Variants in MUCL1 observed in about 807,000 individuals in gnomAD.
MUCL1 encodes the protein mucin-like protein 1.
MUCL1 carries 11 observed loss-of-function variants against 9.2 expected under a neutral mutation model. The ratio of observed to expected loss-of-function variants is 1.19; its 90% CI spans 0.75 to 1.97. The LOEUF is 1.97. Ranked by LOEUF, MUCL1 falls within the 30% of genes most tolerant of loss-of-function variation. The pLI is 0.00. For synonymous variants in MUCL1, 48 were observed against 40.5 expected (o/e 1.19, Z -0.71); for missense variants, 144 against 110.9 (o/e 1.30, Z -1.34).
At chr12:54,833,926 C>A (rs547022148) in intron 1 of MUCL1, among the ~76,000 whole-genome samples, 8 of 151,970 alleles carry the variant, frequency 5.3e-5, no homozygotes, top group African/African-American at 1.9e-4. Flanking sequence ...ACATATGTAA[C>A]AAACCCGCAC....
rs192051244 is a variant in MUCL1, at chr12:54,848,774, T to G, written c.44-6342T>G. 1.9e-3 allele frequency among the ~76,000 whole-genome samples: 290 copies of G among 152,298 alleles called. 1 individual carries two copies. The highest frequency in any genetic ancestry group is 6.4e-3 in the African/African-American group (266 of 41,588). On this transcript the variant is annotated intron_variant, in intron 1 of 3. Transcript: ENST00000546809. ...TTCAACTGAGATAACCTTTACTACT[T>G]GCAGAAATGGTCATAAAAATATGCT...
chr12:54,837,864 G>T (rs537172579), upstream of MUCL1, among the ~76,000 whole-genome samples: 7 of 152,304 alleles, frequency 4.6e-5, no homozygotes, highest in East Asian at 9.6e-4. Flanking sequence ...TTTTTAATAC[G>T]TTCTGCCAAT....
upstream of MUCL1, chr12:54,854,425 T>C: frequency 1.7e-6 from 1 of 585,410 alleles, no homozygotes; most frequent in Non-Finnish European, 3.0e-6. Context: ...TGTCCCAACG[T>C]TTCCTGGCAT....
intron 1 of MUCL1, among the ~76,000 whole-genome samples, chr12:54,840,829 G>A (rs536967013): frequency 3.9e-4 from 59 of 152,204 alleles, no homozygotes; most frequent in African/African-American, 1.3e-3. Flanking sequence ...ACCCCACCCA[G>A]CTCCCACGCA....
At chr12:54,856,220 C>T (rs183359842) in intron 2 of MUCL1, among the ~76,000 whole-genome samples, 227 of 152,246 alleles carry the variant, frequency 1.5e-3, no homozygotes, top group Non-Finnish European at 2.5e-3. Flanking sequence ...GAGGGTGAGA[C>T]AAATATGGCT....
chr12:54,854,839 A>T (rs1868287394), intron 1 of MUCL1, among the ~76,000 whole-genome samples, 199 bp downstream of exon 1: 1 of 152,188 alleles, frequency 6.6e-6, no homozygotes, highest in African/African-American at 2.4e-5. Flanking sequence ...TTACTTCAAT[A>T]ATACCTTGGA....
chr12:54,841,943 C>T (rs1266557789), intron 1 of MUCL1, among the ~76,000 whole-genome samples: 3 of 152,032 alleles, frequency 2.0e-5, no homozygotes, highest in Non-Finnish European at 4.4e-5. Context: ...AGTTACAGGC[C>T]TTAATAATTC....
chr12:54,831,420 T>C (rs1490682480), intron 1 of MUCL1, among the ~76,000 whole-genome samples: 1 of 152,160 alleles, frequency 6.6e-6, no homozygotes, highest in Non-Finnish European at 1.5e-5. Flanking sequence ...ACAGCTGTGT[T>C]CTGGGTAATC....
chr12:54,839,781 T>C (rs1329746249), intron 1 of MUCL1, among the ~76,000 whole-genome samples: 1 of 152,156 alleles, frequency 6.6e-6, no homozygotes, highest in Non-Finnish European at 1.5e-5. Flanking sequence ...AGAAAGGCTG[T>C]GTACAGGTGC....
chr12:54,849,366 T>A (rs1959303627), intron 1 of MUCL1, among the ~76,000 whole-genome samples: 1 of 152,118 alleles, frequency 6.6e-6, no homozygotes, highest in African/African-American at 2.4e-5. Flanking sequence ...CACAAATATA[T>A]AATTACCAAG....
upstream of MUCL1, among the ~76,000 whole-genome samples, chr12:54,853,799 C>A (rs1223459055): frequency 6.6e-6 from 1 of 152,030 alleles, no homozygotes; most frequent in East Asian, 1.9e-4. Flanking sequence ...TGTTATTTTT[C>A]TAACATCTAG....
At chr12:54,848,853 G>A (rs780034187) in intron 1 of MUCL1, among the ~76,000 whole-genome samples, 24 of 152,056 alleles carry the variant, frequency 1.6e-4, no homozygotes, top group African/African-American at 4.8e-4. Flanking sequence ...AAAGCTGTTG[G>A]TAATACATAT....
chr12:54,848,026 CTTTT>C (rs35409980), intron 1 of MUCL1, among the ~76,000 whole-genome samples: 6 of 135,626 alleles, frequency 4.4e-5, no homozygotes, highest in Admixed American at 1.5e-4. Context: ...CATCTCAATT[CTTTT>C]TTTTTTTTTT....
At chr12:54,848,115 G>A (rs928540999) in intron 1 of MUCL1, among the ~76,000 whole-genome samples, 7 of 146,762 alleles carry the variant, frequency 4.8e-5, no homozygotes, top group African/African-American at 1.8e-4. Context: ...ACTCAGCTGT[G>A]TGCCCTTGAT....
chr12:54,851,929 C>T (rs1315036996), upstream of MUCL1, among the ~76,000 whole-genome samples: 2 of 152,104 alleles, frequency 1.3e-5, no homozygotes, highest in African/African-American at 2.4e-5. Context: ...GAATAAAATA[C>T]CTAGGAATCC....
At chr12:54,839,299 G>A (rs985441924), upstream of MUCL1, 3 of 691,896 alleles carry the variant, frequency 4.3e-6, no homozygotes, top group Non-Finnish European at 7.9e-6. Flanking sequence ...TGGTGGGGGT[G>A]TCTTGAAGCT....
At chr12:54,839,156 A>G (rs545349018), upstream of MUCL1, among the ~76,000 whole-genome samples, 1 of 151,640 alleles carries the variant, frequency 6.6e-6, no homozygotes, top group Non-Finnish European at 1.5e-5. Context: ...TTAGAACTTA[A>G]TTTGGCTCTG....
At position 54,858,219 on chromosome 12, in the gene MUCL1, C is replaced by T; in HGVS notation, c.250C>T (p.Pro84Ser). ...TTTACCCAAATGGGTTGGGGATCTC[C>T]CGAATGGTAGAGTGTGTCCCTGAGA... ...PVLPKWVGDL[P>S]NGRVCP Residue 84 changes from proline (P) to serine (S), a missense_variant, in exon 4 of 4, where the codon CCG becomes TCG. Coordinates refer to ENST00000308796, the MANE Select transcript of MUCL1 (RefSeq NM_058173.3). 2.5e-6 allele frequency: 4 copies of T among 1,613,502 alleles called. No individual in the cohort carries two copies. The highest frequency in any genetic ancestry group is 3.4e-6 in the Non-Finnish European group (4 of 1,179,604).
intron 2 of MUCL1, among the ~76,000 whole-genome samples, chr12:54,855,968 A>G (rs1406744438): frequency 2.0e-5 from 3 of 152,164 alleles, no homozygotes; most frequent in African/African-American, 7.2e-5. Context: ...AGGTGGAGCT[A>G]CTTATTTGCT....
Sources: gnomAD v4.1 joint callset for allele counts (sites outside exome capture counted in the v4.1 genomes callset) on GRCh38, gnomAD v4.1.1 for gene constraint, MANE v1.5 for transcripts, NCBI Gene and HGNC (gene_info 2026-07-23, HGNC 2026-07-21) for gene names.